Variants in IGF2BP2 observed in about 807,000 individuals in gnomAD.
The protein encoded by IGF2BP2 is insulin like growth factor 2 mRNA binding protein 2, also known as insulin-like growth factor 2 mRNA-binding protein 2.
A neutral mutation model predicts 75.8 loss-of-function variants in IGF2BP2; 17 were observed. The ratio of observed to expected loss-of-function variants is 0.22; its 90% CI spans 0.15 to 0.34. The LOEUF (loss-of-function observed/expected upper bound fraction) is 0.34. Among genes scored for constraint, IGF2BP2 ranks in the 10% least tolerant of loss-of-function variants. The pLI is 1.00. For synonymous variants in IGF2BP2, 288 were observed against 295.6 expected, an observed-to-expected ratio of 0.97 and a Z score of 0.26; for missense variants, 516 against 772.4, an observed-to-expected ratio of 0.67 and a Z score of 3.93.
intron 2 of IGF2BP2, among the ~76,000 whole-genome samples, chr3:185,756,424 A>ATGATCT (rs1193382905): frequency 6.6e-6 from 1 of 152,200 alleles, no homozygotes; most frequent in Non-Finnish European, 1.5e-5. Context: ...GGATCACTGA[A>ATGATCT]TGATCTTTGA....
At chr3:185,677,022 G>GAT (rs1286928178) in intron 7 of IGF2BP2, among the ~76,000 whole-genome samples, 4 of 56,056 alleles carry the variant, frequency 7.1e-5, no homozygotes, top group African/African-American at 3.0e-4. Context: ...TATATATGGA[G>GAT]AGAGATATAT....
At chr3:185,773,835 G>A (rs978613576) in intron 2 of IGF2BP2, among the ~76,000 whole-genome samples, 3 of 152,022 alleles carry the variant, frequency 2.0e-5, no homozygotes, top group African/African-American at 7.3e-5. Context: ...CTGAATACTC[G>A]TTTAAAAACA....
chr3:185,692,092 C>A (rs1266591011), intron 5 of IGF2BP2, among the ~76,000 whole-genome samples: 1 of 152,078 alleles, frequency 6.6e-6, no homozygotes, highest in East Asian at 1.9e-4. Context: ...TCAAAATTAA[C>A]CATCCCTGAA....
intron 2 of IGF2BP2, among the ~76,000 whole-genome samples, chr3:185,795,749 C>T (rs923063874): frequency 3.9e-5 from 6 of 151,942 alleles, no homozygotes; most frequent in South Asian, 2.1e-4. Context: ...GGTGTGGTGG[C>T]GCAGTCCCAG....
chr3:185,741,624 C>T (rs1242452456), intron 2 of IGF2BP2, among the ~76,000 whole-genome samples: 4 of 152,130 alleles, frequency 2.6e-5, no homozygotes, highest in Admixed American at 1.3e-4. Context: ...GAGAACTCAA[C>T]CCAGAACAAA....
rs915842642 is a variant in IGF2BP2, at chr3:185,643,133, C to T, written c.*2398G>A. 6.6e-6 allele frequency among the ~76,000 whole-genome samples: 1 copy of T among 152,074 alleles called. No individual in the cohort carries two copies. Among genetic ancestry groups the T allele is most frequent in the Non-Finnish European group, 1.5e-5 (1 of 68,016 alleles). On this transcript the variant is annotated 3_prime_UTR_variant, in exon 16 of 16. Transcript: ENST00000382199. ...ACTCACATGCAGTGAGACACTAAAA[C>T]GTGTATGACTCATTTTATTGCAAAG... is the stretch of plus-strand genomic sequence containing the variant.
At chr3:185,649,962 G>A (rs1714294910) in intron 13 of IGF2BP2, among the ~76,000 whole-genome samples, 1 of 152,182 alleles carries the variant, frequency 6.6e-6, no homozygotes, top group South Asian at 2.1e-4. Flanking sequence ...TGGAGGTGAT[G>A]GTGGTGGTAA....
chr3:185,696,357 C>T (rs1276816624), intron 4 of IGF2BP2: 2 of 461,810 alleles, frequency 4.3e-6, no homozygotes, highest in Admixed American at 3.6e-5. Context: ...TGCTTGAGCA[C>T]ACTGCACAGT....
At chr3:185,819,039 T>C (rs1256178723) in intron 2 of IGF2BP2, among the ~76,000 whole-genome samples, 1 of 152,172 alleles carries the variant, frequency 6.6e-6, no homozygotes, top group African/African-American at 2.4e-5. Context: ...CATATTGCAC[T>C]TTAGATCATC....
intron 5 of IGF2BP2, among the ~76,000 whole-genome samples, chr3:185,691,183 C>A (rs1348753130): frequency 2.0e-5 from 3 of 152,216 alleles, no homozygotes; most frequent in African/African-American, 7.2e-5. Context: ...ACTGCAACCT[C>A]TGCCTCCCAA....
chr3:185,646,698 C>A (rs1453664548), intron 15 of IGF2BP2, among the ~76,000 whole-genome samples: 1 of 152,116 alleles, frequency 6.6e-6, no homozygotes, highest in Non-Finnish European at 1.5e-5. Context: ...GGGACTGAGG[C>A]CTGAGGAGAG....
intron 2 of IGF2BP2, among the ~76,000 whole-genome samples, chr3:185,815,031 GT>G (rs887624319): frequency 4.0e-5 from 6 of 151,454 alleles, no homozygotes; most frequent in African/African-American, 9.7e-5. Context: ...AAAACCTCAA[GT>G]TTTTTTTCAG....
chr3:185,751,940 G>A (rs915511555), intron 2 of IGF2BP2, among the ~76,000 whole-genome samples: 1 of 152,128 alleles, frequency 6.6e-6, no homozygotes, highest in Non-Finnish European at 1.5e-5. Flanking sequence ...TCCAGCCTGG[G>A]CAACGAGGGA....
chr3:185,659,960 A>G (rs1048877047), intron 10 of IGF2BP2, among the ~76,000 whole-genome samples: 23 of 151,480 alleles, frequency 1.5e-4, no homozygotes, highest in African/African-American at 5.6e-4. Context: ...AAGCTCAGCT[A>G]ATTTTGTATT....
In IGF2BP2 at chr3:185,647,450, C is replaced by A. The variant is rs1027606961; in HGVS notation, c.1594-312G>T. 5.9e-5 allele frequency among the ~76,000 whole-genome samples: 9 copies of A among 152,136 alleles called. No individual in the cohort carries two copies. Among genetic ancestry groups the A allele is most frequent in the Non-Finnish European group, 1.0e-4 (7 of 67,988 alleles). ...GCAGGCCTGCACATGCTCACAGAGA[C>A]CCCAGGCTTTCCCATACCCCCCCAC... is the stretch of plus-strand genomic sequence containing the variant. On this transcript the variant is annotated intron_variant, in intron 14 of 15. Transcript: ENST00000382199. The surrounding 1 kb of genome is among the most constrained non-coding windows in gnomAD (Gnocchi z 4.9).
intron 10 of IGF2BP2, among the ~76,000 whole-genome samples, chr3:185,660,395 T>C (rs1716230184): frequency 1.3e-5 from 2 of 152,180 alleles, no homozygotes; most frequent in African/African-American, 2.4e-5. Flanking sequence ...TCCTGAAGGT[T>C]AGGATTTTGC....
chr3:185,744,704 G>A (rs1241217145), intron 2 of IGF2BP2, among the ~76,000 whole-genome samples: 2 of 152,132 alleles, frequency 1.3e-5, no homozygotes, highest in East Asian at 3.9e-4. Flanking sequence ...AGCTACTTGG[G>A]AGGCTGAGGC....
At chr3:185,656,606 G>A (rs535290688) in intron 12 of IGF2BP2, among the ~76,000 whole-genome samples, 16 of 152,312 alleles carry the variant, frequency 1.1e-4, no homozygotes, top group African/African-American at 3.6e-4. Context: ...GGCTTGGGAC[G>A]TGCTCAGCAT....
intron 13 of IGF2BP2, among the ~76,000 whole-genome samples, chr3:185,650,012 T>A (rs1335628508): frequency 2.0e-5 from 3 of 152,120 alleles, no homozygotes; most frequent in Non-Finnish European, 4.4e-5. Flanking sequence ...ATTAAAAAAA[T>A]TTCTAATGGA....
Sources: gnomAD v4.1 joint callset for allele counts (sites outside exome capture counted in the v4.1 genomes callset) on GRCh38, gnomAD v4.1.1 for gene constraint, Gnocchi (gnomAD v3.1) non-coding constraint, MANE v1.5 for transcripts, NCBI Gene and HGNC (gene_info 2026-07-23, HGNC 2026-07-21) for gene names.